Variants in ANKRD36B observed in about 807,000 individuals in gnomAD.
ANKRD36B encodes ankyrin repeat domain-containing protein 36B.
Under a neutral mutation model 135.7 loss-of-function variants are expected in ANKRD36B, and 37 were observed. The observed-to-expected ratio is 0.27, with a 90% CI of 0.21 to 0.36. ANKRD36B has a LOEUF of 0.36. Ranked by LOEUF, ANKRD36B falls within the 10% of genes least tolerant of loss-of-function variation. The pLI is 1.00. For missense variants in ANKRD36B, 549 were observed against 1,037.1 expected, an observed-to-expected ratio of 0.53 and a Z score of 6.46; for synonymous variants, 179 against 348.1, an observed-to-expected ratio of 0.51 and a Z score of 5.41.
At chr2:97,567,170 G>A (rs1379186467) in intron 6 of ANKRD36B, among the ~76,000 whole-genome samples, 3 of 151,302 alleles carry the variant, frequency 2.0e-5, no homozygotes, top group Non-Finnish European at 4.4e-5. Context: ...AGATACGGGG[G>A]GAAAGTAACA....
At chr2:97,564,186 T>C (rs2081265187) in intron 6 of ANKRD36B, among the ~76,000 whole-genome samples, 1 of 151,960 alleles carries the variant, frequency 6.6e-6, no homozygotes, top group Admixed American at 6.6e-5. Context: ...TTAATTCAAG[T>C]TCTTGGTTAC....
intron 6 of ANKRD36B, among the ~76,000 whole-genome samples, chr2:97,564,203 T>C (rs1056448404): frequency 7.9e-5 from 12 of 152,150 alleles, no homozygotes; most frequent in Admixed American, 7.2e-4. Flanking sequence ...TTACATGTCG[T>C]CAATAAGTTT....
chr2:97,554,802 G>A (rs77060629), intron 14 of ANKRD36B, among the ~76,000 whole-genome samples: 9 of 151,968 alleles, frequency 5.9e-5, no homozygotes, highest in African/African-American at 1.7e-4. Context: ...TGTCCCCTGA[G>A]CCCCTTATGT....
chr2:97,588,379 T>C (rs572225654), intron 1 of ANKRD36B, among the ~76,000 whole-genome samples: 2 of 152,038 alleles, frequency 1.3e-5, no homozygotes, highest in South Asian at 4.2e-4. Context: ...CCGCAATTGC[T>C]TTTGCACCAA....
chr2:97,572,883 G>A (rs60013799), intron 6 of ANKRD36B, among the ~76,000 whole-genome samples: 10,809 of 150,842 alleles, frequency 0.072, 987 homozygotes, highest in African/African-American at 0.21. Context: ...TATAAAAGAC[G>A]TCAGCTTCTC....
chr2:97,589,481 T>A (rs1182465059), intron 1 of ANKRD36B, 44 bp downstream of exon 1: 2 of 1,300,184 alleles, frequency 1.5e-6, no homozygotes, highest in Non-Finnish European at 2.0e-6. Context: ...CTTCTCCACA[T>A]CCACAGGCCT....
rs1482025579 is a variant in ANKRD36B, at chr2:97,524,281, T to C, written c.2266-814A>G. ...TAAATTGAGGCATATGTCCGATGTT[T>C]AATTTCCAGTTAGCGGTGTTTTGGT... On this transcript the variant is annotated intron_variant, in intron 35 of 43. Coordinates refer to ENST00000359901, the MANE Select transcript of ANKRD36B (RefSeq NM_001393939.1). 3.2e-5 allele frequency: 3 copies of C among 94,944 alleles called. 1 individual carries two copies. The highest frequency in any genetic ancestry group is 2.8e-4 in the Admixed American group (3 of 10,614). 5.9% of individuals were successfully genotyped at this position (94,944 alleles called of 1,614,324 possible).
At chr2:97,549,320 A>T in intron 20 of ANKRD36B, 99 bp downstream of exon 20, 1 of 1,378,670 alleles carries the variant, frequency 7.3e-7, no homozygotes, top group Non-Finnish European at 9.8e-7. Flanking sequence ...GCTGAATCAG[A>T]AAGTGCAGCT....
chr2:97,525,827 G>C (rs2078172778), intron 35 of ANKRD36B, among the ~76,000 whole-genome samples: 1 of 97,990 alleles, frequency 1.0e-5, no homozygotes, highest in African/African-American at 3.1e-5. Flanking sequence ...AGATCAAACT[G>C]CAAGGCAGCA....
At chr2:97,556,093 T>C (rs961700479) in intron 12 of ANKRD36B, among the ~76,000 whole-genome samples, 1 of 151,926 alleles carries the variant, frequency 6.6e-6, no homozygotes, top group Admixed American at 6.6e-5. Flanking sequence ...GTCTGCAAAA[T>C]TAGTCTACTC....
intron 1 of ANKRD36B, among the ~76,000 whole-genome samples, chr2:97,588,177 A>G (rs898566634): frequency 3.3e-5 from 5 of 152,022 alleles, no homozygotes; most frequent in African/African-American, 9.7e-5. Context: ...AAAATTTTTA[A>G]TCTACATTCC....
At chr2:97,555,279 T>C (rs1051703819) in intron 12 of ANKRD36B, 25 bp from the exon 13 acceptor site, 1 of 1,610,216 alleles carries the variant, frequency 6.2e-7, no homozygotes, top group Non-Finnish European at 8.5e-7. Flanking sequence ...GGATACATAA[T>C]CACTCATATG....
intron 37 of ANKRD36B, among the ~76,000 whole-genome samples, chr2:97,514,160 A>G (rs1205270605): frequency 7.4e-6 from 1 of 134,848 alleles, no homozygotes; most frequent in African/African-American, 3.7e-5. Context: ...ATATTAGAAA[A>G]TAAAACATTC....
chr2:97,562,174 ATAAAC>A (rs1289666753), intron 6 of ANKRD36B, among the ~76,000 whole-genome samples: 1 of 151,740 alleles, frequency 6.6e-6, no homozygotes, highest in Non-Finnish European at 1.5e-5. Flanking sequence ...TCCTATGAAA[ATAAAC>A]TAAACAAAGT....
intron 6 of ANKRD36B, among the ~76,000 whole-genome samples, chr2:97,563,534 A>G (rs575846929): frequency 0.02 from 3,008 of 152,064 alleles, 54 homozygotes; most frequent in Middle Eastern, 0.034. Context: ...GACATCTGGG[A>G]ACACTCTATA....
At position 97,496,833 on chromosome 2, in the gene ANKRD36B, G is replaced by GTATATATATATATATATA. The variant is rs56775263; in HGVS notation, c.*7-3996_*7-3979dup. ...TGTGTGTGTATGTATATATGTGTGT[G>GTATATATATATATATATA]TATATATATATATATATATATATAT... On this transcript the variant is annotated intron_variant, in intron 43 of 43. Coordinates refer to ENST00000359901, the MANE Select transcript of ANKRD36B (RefSeq NM_001393939.1). 6.1e-4 allele frequency among the ~76,000 whole-genome samples: 38 copies of GTATATATATATATATATA among 62,070 alleles called. 1 individual carries two copies. Among genetic ancestry groups the GTATATATATATATATATA allele is most frequent in the African/African-American group, 3.2e-3 (37 of 11,386 alleles). 40.7% of individuals were successfully genotyped at this position (62,070 alleles called of 152,430 possible).
chr2:97,561,443 A>G (rs2081014766), intron 6 of ANKRD36B, among the ~76,000 whole-genome samples: 1 of 151,912 alleles, frequency 6.6e-6, no homozygotes, highest in Non-Finnish European at 1.5e-5. Context: ...TCTCACACCC[A>G]TATGGTGTAA....
chr2:97,526,239 T>C lies in ANKRD36B; in HGVS notation c.2266-2772A>G, dbSNP rs1441658818. ...GGAAAGATCACACAGCAGCATTCGC[T>C]GTTCATGAAAATCCACTGTTCTGCA... On this transcript the variant is annotated intron_variant, in intron 35 of 43. Transcript: ENST00000359901. Among the ~76,000 whole-genome samples, 4 of 97,266 alleles carry C rather than the reference T, an allele frequency of 4.1e-5. 1 individual carries two copies. Among genetic ancestry groups the C allele is most frequent in the Non-Finnish European group, 8.2e-5 (3 of 36,432 alleles). 63.8% of individuals were successfully genotyped at this position (97,266 alleles called of 152,430 possible).
rs200365406 is a variant in ANKRD36B at position 97,530,992 on chromosome 2, G to A, written c.2265+1319C>T. On this transcript the variant is annotated intron_variant, in intron 35 of 43. Transcript: ENST00000359901. ...ACTAGTTCAACCATTGTGGAAGTCA[G>A]TGTGGTGATTCCTCAGGGATCTAGA... 6.2e-5 allele frequency among the ~76,000 whole-genome samples: 6 copies of A among 96,360 alleles called. 1 individual carries two copies. In the East Asian group the frequency reaches 1.4e-3, roughly 23 times the overall value. 63.2% of individuals were successfully genotyped at this position (96,360 alleles called of 152,430 possible).
Sources: gnomAD v4.1 joint callset for allele counts (sites outside exome capture counted in the v4.1 genomes callset) on GRCh38, gnomAD v4.1.1 for gene constraint, MANE v1.5 for transcripts, NCBI Gene and HGNC (gene_info 2026-07-23, HGNC 2026-07-21) for gene names.